Variants in NAV2 observed in about 807,000 individuals in gnomAD.
The protein encoded by NAV2 is helicase, APC down-regulated 1.
A neutral mutation model predicts 223.2 loss-of-function variants in NAV2; 54 were observed. That is an observed-to-expected ratio of 0.24 (90% CI 0.19 to 0.30). The LOEUF (loss-of-function observed/expected upper bound fraction) is 0.30. Ranked by LOEUF, NAV2 falls within the 10% of genes least tolerant of loss-of-function variation. The pLI is 1.00. For synonymous variants in NAV2, 1,279 were observed against 1,239.3 expected (o/e 1.03, Z -0.67); for missense variants, 2,806 against 3,147.5 (o/e 0.89, Z 2.60).
intron 6 of NAV2, among the ~76,000 whole-genome samples, chr11:19,929,378 A>T (rs146409840): frequency 1.3e-5 from 2 of 152,306 alleles, no homozygotes; most frequent in Middle Eastern, 3.4e-3. Flanking sequence ...TTTGTACAAG[A>T]CCACTCATGA....
intron 22 of NAV2, among the ~76,000 whole-genome samples, chr11:20,075,225 T>TC (rs909342544): frequency 7.0e-6 from 1 of 141,968 alleles, no homozygotes; most frequent in African/African-American, 3.0e-5. Context: ...TTGTTTTGTT[T>TC]TTTTTTTTTT....
intron 1 of NAV2, among the ~76,000 whole-genome samples, chr11:19,537,026 T>C (rs981882927): frequency 1.3e-5 from 2 of 152,204 alleles, no homozygotes; most frequent in African/African-American, 4.8e-5. Context: ...GAGACATTAA[T>C]TAGTTGCCTT....
At chr11:20,065,843 C>T (rs1216553571) in intron 20 of NAV2, among the ~76,000 whole-genome samples, 2 of 152,230 alleles carry the variant, frequency 1.3e-5, no homozygotes, top group African/African-American at 2.4e-5. Flanking sequence ...GTTACATTCT[C>T]ACCATTAACT....
intron 13 of NAV2, 106 bp from the exon 14 acceptor site, chr11:20,044,862 A>C: frequency 1.1e-6 from 1 of 900,698 alleles, no homozygotes. Context: ...CTGCCTCCCC[A>C]AGGGAAAAGT....
chr11:19,467,002 CACACACACACACACACAGAG>C (rs1852379300), intron 1 of NAV2, among the ~76,000 whole-genome samples: 1 of 129,262 alleles, frequency 7.7e-6, no homozygotes, highest in South Asian at 2.9e-4. Flanking sequence ...CACACACACA[CACACACACACACACACAGAG>C]AGAGAGAGAG....
intron 1 of NAV2, among the ~76,000 whole-genome samples, chr11:19,538,382 C>A (rs2134499088): frequency 6.6e-6 from 1 of 152,264 alleles, no homozygotes; most frequent in East Asian, 1.9e-4. Context: ...GCTCTTTCAC[C>A]CATGCTGGAG....
At chr11:19,833,847 G>A (rs1484987298) in intron 2 of NAV2, among the ~76,000 whole-genome samples, 1 of 152,178 alleles carries the variant, frequency 6.6e-6, no homozygotes, top group East Asian at 1.9e-4. Context: ...TGGCTTCTTG[G>A]TGGCTGTCAG....
chr11:19,419,017 G>A (rs1850499303), intron 1 of NAV2, among the ~76,000 whole-genome samples: 1 of 152,118 alleles, frequency 6.6e-6, no homozygotes, highest in Admixed American at 6.5e-5. Context: ...TGCAGTAATA[G>A]GGACTCAAGG....
chr11:19,455,139 G>T (rs1851917505), intron 1 of NAV2, among the ~76,000 whole-genome samples: 1 of 152,222 alleles, frequency 6.6e-6, no homozygotes, highest in South Asian at 2.1e-4. Context: ...CAGAGAACTG[G>T]TAGGTCTTGG....
intron 1 of NAV2, among the ~76,000 whole-genome samples, chr11:19,376,999 T>C (rs1215903419): frequency 6.6e-6 from 1 of 152,166 alleles, no homozygotes; most frequent in South Asian, 2.1e-4. Context: ...GGAAAGGCAT[T>C]CCCAGTGAAG....
At chr11:19,410,618 A>AT in intron 1 of NAV2, among the ~76,000 whole-genome samples, 1 of 152,024 alleles carries the variant, frequency 6.6e-6, no homozygotes, top group East Asian at 1.9e-4. Context: ...GGATATTCTC[A>AT]TTTTTTTCTT....
intron 17 of NAV2, among the ~76,000 whole-genome samples, chr11:20,052,077 G>C (rs964560132): frequency 6.6e-6 from 1 of 152,178 alleles, no homozygotes; most frequent in Non-Finnish European, 1.5e-5. Context: ...CTGTGATCTT[G>C]CTGTCTTATG....
rs1239878338 is a variant in NAV2 at position 19,998,101 on chromosome 11, C to T, written c.2768+13854C>T. On this transcript the variant is annotated intron_variant, in intron 11 of 37. Coordinates refer to ENST00000349880, the MANE Select transcript of NAV2 (RefSeq NM_145117.5). The surrounding 1 kb of genome is among the most constrained non-coding windows in gnomAD (Gnocchi z 5.0). Reference sequence around the variant, plus strand: ...GGCTTTGCACAGAGCTGGGCATATACAGTAGGAGACGTTTGCTATATTTTA... The same window carrying T: ...GGCTTTGCACAGAGCTGGGCATATATAGTAGGAGACGTTTGCTATATTTTA... Among the ~76,000 whole-genome samples the T allele has an allele frequency of 6.6e-6, 1 of 151,768 alleles. No individual in the cohort carries two copies. Among genetic ancestry groups the T allele is most frequent in the Non-Finnish European group, 1.5e-5 (1 of 67,896 alleles).
At chr11:19,608,761 C>G (rs897185527) in intron 1 of NAV2, among the ~76,000 whole-genome samples, 3 of 152,252 alleles carry the variant, frequency 2.0e-5, no homozygotes, top group Non-Finnish European at 2.9e-5. Context: ...TTACCACTAA[C>G]TCTGTGGCTT....
intron 3 of NAV2, among the ~76,000 whole-genome samples, chr11:19,844,660 T>C (rs1163180196): frequency 6.6e-6 from 1 of 152,242 alleles, no homozygotes; most frequent in African/African-American, 2.4e-5. Context: ...ACCTGTAATA[T>C]TGTCATTTCA....
intron 1 of NAV2, among the ~76,000 whole-genome samples, chr11:19,394,528 T>G (rs1318424181): frequency 6.6e-6 from 1 of 150,658 alleles, no homozygotes; most frequent in African/African-American, 2.5e-5. Flanking sequence ...GAGCGATGGC[T>G]CTTGTCTTCT....
At chr11:19,478,068 A>G (rs1002812268) in intron 1 of NAV2, among the ~76,000 whole-genome samples, 1 of 152,234 alleles carries the variant, frequency 6.6e-6, no homozygotes, top group African/African-American at 2.4e-5. Flanking sequence ...ATGCTCAAAG[A>G]GCCCTTATAC....
At chr11:19,885,369 G>A (rs76372084) in intron 5 of NAV2, among the ~76,000 whole-genome samples, 3,021 of 152,276 alleles carry the variant, frequency 0.02, 88 homozygotes, top group African/African-American at 0.065. Context: ...TGGTATCTCT[G>A]TGGTTGTTGA....
At chr11:19,962,059 G>A (rs2048388770) in intron 10 of NAV2, among the ~76,000 whole-genome samples, 2 of 151,556 alleles carry the variant, frequency 1.3e-5, no homozygotes, top group African/African-American at 4.8e-5. Flanking sequence ...GCCAAGAGGG[G>A]ATTCTACCTT....
Sources: gnomAD v4.1 joint callset for allele counts (sites outside exome capture counted in the v4.1 genomes callset) on GRCh38, gnomAD v4.1.1 for gene constraint, Gnocchi (gnomAD v3.1) non-coding constraint, MANE v1.5 for transcripts, NCBI Gene and HGNC (gene_info 2026-07-23, HGNC 2026-07-21) for gene names.